Variants in PLEKHA1 observed in about 807,000 individuals in gnomAD.
The protein encoded by PLEKHA1 is pleckstrin homology domain containing A1.
In PLEKHA1, 34 loss-of-function variants were observed where a neutral mutation model predicts 52.0. That is an observed-to-expected ratio of 0.65 (90% CI 0.50 to 0.87). PLEKHA1 has a LOEUF of 0.87. Among genes scored for constraint, PLEKHA1 ranks in the 40% least tolerant of loss-of-function variants. PLEKHA1 has a pLI of 0.00. For missense variants in PLEKHA1, 497 were observed against 504.2 expected (o/e 0.99, Z 0.14); for synonymous variants, 163 against 170.7 (o/e 0.95, Z 0.35).
chr10:122,381,295 C>A (rs1322133925), intron 1 of PLEKHA1, among the ~76,000 whole-genome samples: 1 of 152,070 alleles, frequency 6.6e-6, no homozygotes, highest in African/African-American at 2.4e-5. Context: ...ATGGAGATAA[C>A]AGGATTTGCT....
At chr10:122,384,329 C>T (rs1299298928) in intron 1 of PLEKHA1, among the ~76,000 whole-genome samples, 1 of 152,150 alleles carries the variant, frequency 6.6e-6, no homozygotes, top group Non-Finnish European at 1.5e-5. Flanking sequence ...CTTTATTTGG[C>T]TGGGCGCGGT....
rs202085884 is a variant in PLEKHA1, at chr10:122,424,879, A to AT, written c.747-8dup. On this transcript the variant is annotated splice_polypyrimidine_tract_variant and intron_variant, in intron 9 of 11. Coordinates refer to ENST00000368990, the MANE Select transcript of PLEKHA1 (RefSeq NM_001001974.4). Reference sequence around the variant, plus strand: ...ACAACTGCTATTTAAGTATAATTGGATTTTTTTTTCATACAGCGACATAAT... The same window carrying AT: ...ACAACTGCTATTTAAGTATAATTGGATTTTTTTTTTCATACAGCGACATAAT... The AT allele has an allele frequency of 3.0e-3, 4,785 of 1,583,976 alleles. 82 individuals are homozygous for AT. In the African/African-American group the frequency reaches 0.047, roughly 16 times the overall value.
intron 7 of PLEKHA1, among the ~76,000 whole-genome samples, chr10:122,417,587 A>T (rs1317441801): frequency 1.4e-5 from 2 of 147,938 alleles, no homozygotes; most frequent in Non-Finnish European, 3.0e-5. Flanking sequence ...AGGCAGAGGC[A>T]GTGAGCCGAG....
intron 6 of PLEKHA1, among the ~76,000 whole-genome samples, 186 bp downstream of exon 6, chr10:122,413,231 CATG>C (rs1420946347): frequency 6.6e-6 from 1 of 152,070 alleles, no homozygotes; most frequent in Non-Finnish European, 1.5e-5. Context: ...TAAAACTTCT[CATG>C]ATTTCTCTGA....
At chr10:122,437,692 A>T in the PLEKHA1 span, 1 of 152,312 alleles carries the variant, frequency 6.6e-6, no homozygotes, top group Admixed American at 6.5e-5. Context: ...CAGGATATCA[A>T]GAGTACGTTG....
At chr10:122,386,371 C>T (rs1391761077) in intron 1 of PLEKHA1, among the ~76,000 whole-genome samples, 1 of 151,576 alleles carries the variant, frequency 6.6e-6, no homozygotes, top group Non-Finnish European at 1.5e-5. Context: ...AATTACCTGC[C>T]TGTTCTAGGG....
intron 1 of PLEKHA1, among the ~76,000 whole-genome samples, chr10:122,382,705 C>T (rs2096631300): frequency 6.6e-6 from 1 of 152,138 alleles, no homozygotes; most frequent in African/African-American, 2.4e-5. Flanking sequence ...ATGTATTGTA[C>T]ACAGTTTGTT....
Position 122,428,126 on chromosome 10 carries a change from G to C in PLEKHA1, c.900+1095G>C, listed in dbSNP as rs957750787. 3 of 704,398 alleles carry C rather than the reference G, an allele frequency of 4.3e-6. No homozygotes were observed. In the African/African-American group the frequency reaches 5.5e-5, roughly 13 times the overall value. The allele number at this position is 704,398 out of a possible 1,614,324, so 43.6% of individuals were successfully genotyped here. On this transcript the variant is annotated intron_variant, in intron 11 of 11. Transcript: ENST00000368990. ...CTGCAAAAACAGTGTCTGTTGGGAA[G>C]AGGAAAAGTTGGAGAAGGATGTTTG...
chr10:122,393,323 G>A lies in PLEKHA1; in HGVS notation c.123G>A (p.Trp41Ter). 6.2e-7 allele frequency: 1 copy of A among 1,606,598 alleles called. No homozygotes were observed. Among genetic ancestry groups the A allele is most frequent in the Non-Finnish European group, 8.5e-7 (1 of 1,177,356 alleles). ...ILDTREDSFV[W>*]YMDNPQNLPS... ...ATACCAGAGAAGATAGTTTCGTGTG[G>A]TACATGGATAATCCACAGGTTTGTA... The change falls in exon 2 of 12, where the codon TGG (tryptophan) becomes TGA (stop). Residue 41 changes from tryptophan to a stop codon, truncating the protein, a stop_gained. Transcript: ENST00000368990. LOFTEE classifies it high-confidence loss of function. This position sits in a 1 kb window ranked among gnomAD's most constrained non-coding sequence, Gnocchi z 4.5.
chr10:122,414,208 A>T (rs2097143776), intron 6 of PLEKHA1, among the ~76,000 whole-genome samples: 1 of 152,102 alleles, frequency 6.6e-6, no homozygotes, highest in South Asian at 2.1e-4. Flanking sequence ...ACCTATGTTG[A>T]CATAAGGGGT....
Position 122,400,347 on chromosome 10 carries a change from G to T in PLEKHA1, c.203G>T (p.Ser68Ile). Residue 68 changes from serine to isoleucine, a missense_variant, in exon 4 of 12, where the codon AGC becomes ATC. Ser to Ile is a moderately radical substitution (Grantham distance 142, BLOSUM62 -2). Coordinates refer to ENST00000368990, the MANE Select transcript of PLEKHA1 (RefSeq NM_001001974.4). ...CGTCTCTATTTTTCTTTTTAGGTTA[G>T]CGATGCTACTAAGCTAAGGCCAAAG... ...AIKLTYISKV[S>I]DATKLRPKAE... 1 of 1,604,146 alleles carries T rather than the reference G, an allele frequency of 6.2e-7. No homozygotes were observed. Among genetic ancestry groups the T allele is most frequent in the Non-Finnish European group, 8.5e-7 (1 of 1,176,538 alleles).
intron 4 of PLEKHA1, among the ~76,000 whole-genome samples, chr10:122,401,642 C>T (rs1042546664): frequency 6.6e-6 from 1 of 152,046 alleles, no homozygotes; most frequent in African/African-American, 2.4e-5. Context: ...TGACAGTAAT[C>T]GAGGACTGGA....
chr10:122,427,674 TA>T (rs2097359360), intron 11 of PLEKHA1, among the ~76,000 whole-genome samples: 1 of 152,226 alleles, frequency 6.6e-6, no homozygotes. Context: ...TGCTCAGAAA[TA>T]TTTTTTTAAA....
chr10:122,429,494 TTGTGTGTGTG>T lies in PLEKHA1; in HGVS notation c.901-102_901-93del, dbSNP rs35620141. The T allele has an allele frequency of 4.2e-3, 2,721 of 653,576 alleles. 8 individuals carry two copies. The highest frequency in any genetic ancestry group is 0.012 in the African/African-American group (658 of 52,782). 40.5% of individuals were successfully genotyped at this position (653,576 alleles called of 1,614,324 possible). On this transcript the variant is annotated intron_variant, in intron 11 of 11. Transcript: ENST00000368990. ...TGCTGCATGGCTTCTGCTGCTGCCT[TTGTGTGTGTG>T]TGTGTGTGTGTGTGTGTGTGTGTGT...
At chr10:122,384,949 T>G (rs2096667860) in intron 1 of PLEKHA1, among the ~76,000 whole-genome samples, 1 of 152,170 alleles carries the variant, frequency 6.6e-6, no homozygotes, top group Non-Finnish European at 1.5e-5. Flanking sequence ...AGAGTGAGAC[T>G]CTACCTCAAA....
chr10:122,381,640 AC>A (rs1476295526), intron 1 of PLEKHA1, among the ~76,000 whole-genome samples: 2 of 151,878 alleles, frequency 1.3e-5, no homozygotes, highest in African/African-American at 4.8e-5. Flanking sequence ...AGCTAATTAA[AC>A]CTCTTTTCTT....
intron 10 of PLEKHA1, among the ~76,000 whole-genome samples, chr10:122,426,426 C>G (rs140596182): frequency 6.6e-6 from 1 of 152,006 alleles, no homozygotes; most frequent in African/African-American, 2.4e-5. Flanking sequence ...CTCTGCACCC[C>G]GATTGGGGCC....
chr10:122,386,502 T>C (rs1053020482), intron 1 of PLEKHA1: 1 of 152,218 alleles, frequency 6.6e-6, no homozygotes, highest in Non-Finnish European at 1.5e-5. Context: ...GTTTCAGATA[T>C]ATCAACTATT....
intron 1 of PLEKHA1, among the ~76,000 whole-genome samples, chr10:122,380,607 C>T (rs560142579): frequency 5.9e-5 from 9 of 152,040 alleles, no homozygotes; most frequent in African/African-American, 1.2e-4. Flanking sequence ...ACAGGGCAGA[C>T]GAGGCTTAGT....
Sources: allele counts gnomAD v4.1 joint callset (sites outside exome capture counted in the v4.1 genomes callset), GRCh38; gene constraint gnomAD v4.1.1; non-coding constraint Gnocchi (gnomAD v3.1); transcripts MANE v1.5; gene names NCBI Gene and HGNC (gene_info 2026-07-23, HGNC 2026-07-21).